NEB: variants seen among roughly 807,000 people sequenced by gnomAD.
NEB encodes the protein nebulin.
In NEB, 512 loss-of-function variants were observed where a neutral mutation model predicts 952.2. The ratio of observed to expected loss-of-function variants is 0.54; its 90% CI spans 0.50 to 0.58. The LOEUF (loss-of-function observed/expected upper bound fraction) is 0.58, where lower values mean the gene tolerates loss of function less well. NEB is among the 20% of genes least tolerant of loss of function. The probability of loss-of-function intolerance (pLI) is 0.00; values close to 1 mark genes in which losing one functional copy is unlikely to be tolerated. For synonymous variants in NEB, 2,900 were observed against 3,149.8 expected, an observed-to-expected ratio of 0.92 and a Z score of 2.66; for missense variants, 8,428 against 9,231.1, an observed-to-expected ratio of 0.91 and a Z score of 3.56.
chr2:151,518,245 C>CT, intron 156 of NEB, 73 bp downstream of exon 156: 1 of 1,065,176 alleles, frequency 9.4e-7, no homozygotes, highest in South Asian at 1.3e-5. Flanking sequence ...TGGAGGGAAT[C>CT]TATGAAATTT....
At chr2:151,497,096 T>A (rs2060739239) in intron 171 of NEB, 63 bp from the exon 172 acceptor site, 1 of 1,521,062 alleles carries the variant, frequency 6.6e-7, no homozygotes, top group Admixed American at 2.0e-5. Flanking sequence ...TTGAAAGGTT[T>A]TAAGGGTAAG....
chr2:151,610,716 A>G (rs757230269), intron 79 of NEB, 46 bp downstream of exon 79: 2 of 1,585,916 alleles, frequency 1.3e-6, no homozygotes, highest in East Asian at 4.5e-5. Flanking sequence ...TGGAAAAAGC[A>G]TTTTAATTAA....
rs1026815436 is a variant in NEB at position 151,718,505 on chromosome 2, C to G, written c.718-985G>C. ...CCAACACTGTCCTTAAGCCCACAAT[C>G]AACCCCACCTTACTCTCAGCTTCCT... On this transcript the variant is annotated intron_variant, in intron 9 of 181. Coordinates refer to ENST00000397345, the MANE Select transcript of NEB (RefSeq NM_001164508.2). 2.1e-4 allele frequency among the ~76,000 whole-genome samples: 32 copies of G among 152,180 alleles called. 1 individual carries two copies. Among genetic ancestry groups the G allele is most frequent in the Non-Finnish European group, 4.3e-4 (29 of 68,022 alleles).
At chr2:151,645,137 G>A (rs2098938673) in intron 55 of NEB, among the ~76,000 whole-genome samples, 1 of 152,212 alleles carries the variant, frequency 6.6e-6, no homozygotes, top group Admixed American at 6.5e-5. Context: ...TACAGTGCAT[G>A]TCTATACTTG....
chr2:151,593,773 AC>A (rs2097337833), intron 93 of NEB, among the ~76,000 whole-genome samples: 1 of 67,138 alleles, frequency 1.5e-5, no homozygotes, highest in African/African-American at 5.3e-5. Flanking sequence ...GAAATTTTCT[AC>A]CTAATTACAT....
chr2:151,514,818 C>T lies in NEB; in HGVS notation c.23016G>A (p.Glu7672=). The T allele has an allele frequency of 1.3e-6, 2 of 1,561,500 alleles. No individual in the cohort carries two copies. The highest frequency in any genetic ancestry group is 1.7e-6 in the Non-Finnish European group (2 of 1,150,968). ...HVKYATKIAS[E]KEYRKDLEES... ...AAAGAAAAGACCAAGTGGGCACTAC[C>T]TCGCTTGCTATTTTAGTTGCATATT... Residue 7672 remains glutamate (E), a splice_region_variant and synonymous_variant, in exon 158 of 182, where the codon GAG becomes GAA. Coordinates refer to ENST00000397345, the MANE Select transcript of NEB (RefSeq NM_001164508.2).
chr2:151,650,923 A>T, intron 52 of NEB, 38 bp from the exon 53 acceptor site: 1 of 1,522,320 alleles, frequency 6.6e-7, no homozygotes, highest in Non-Finnish European at 8.9e-7. Flanking sequence ...TAGTACACAA[A>T]GGCCAAGTTA....
chr2:151,672,246 A>G, intron 37 of NEB, 123 bp downstream of exon 37: 1 of 951,186 alleles, frequency 1.1e-6, no homozygotes, highest in Non-Finnish European at 1.5e-6. Flanking sequence ...GTCTTTCAGT[A>G]ATGGTTGTTT....
chr2:151,485,993 C>T (rs2049992785), intron 181 of NEB, 60 bp from the exon 182 acceptor site: 3 of 1,521,862 alleles, frequency 2.0e-6, no homozygotes, highest in South Asian at 1.1e-5. Context: ...AGTTAACACA[C>T]ATCTATTTGT....
At position 151,485,716 on chromosome 2, in the gene NEB, C is replaced by A; in HGVS notation, c.*44G>T. ...AGAGTCTAAACCGAAACATTGACTG[C>A]AGGATCTGTAAGTCCTGCAGACAAG... is the stretch of plus-strand genomic sequence containing the variant. On this transcript the variant is annotated 3_prime_UTR_variant, in exon 182 of 182. Coordinates refer to ENST00000397345, the MANE Select transcript of NEB (RefSeq NM_001164508.2). 6.4e-7 allele frequency: 1 copy of A among 1,553,746 alleles called. No homozygotes were observed. Among genetic ancestry groups the A allele is most frequent in the South Asian group, 1.2e-5 (1 of 81,318 alleles).
chr2:151,651,018 G>T, intron 52 of NEB, 133 bp from the exon 53 acceptor site: 1 of 839,534 alleles, frequency 1.2e-6, no homozygotes, highest in Non-Finnish European at 1.8e-6. Context: ...TGAACTCCCA[G>T]GCCTACTTTT....
chr2:151,633,388 T>C (rs962049427), intron 65 of NEB, among the ~76,000 whole-genome samples: 9 of 152,148 alleles, frequency 5.9e-5, no homozygotes, highest in Admixed American at 2.0e-4. Context: ...AAAAAAAGAA[T>C]AAATGTCTCC....
chr2:151,570,659 G>A (rs1052355550), intron 107 of NEB, 58 bp from the exon 108 acceptor site: 15 of 1,469,796 alleles, frequency 1.0e-5, no homozygotes, highest in Non-Finnish European at 1.4e-5. Context: ...TACCTTCAAT[G>A]GCTCAGGTGG....
chr2:151,537,311 G>A, intron 140 of NEB, 75 bp from the exon 141 acceptor site: 2 of 800,842 alleles, frequency 2.5e-6, no homozygotes, highest in African/African-American at 3.4e-5. Flanking sequence ...TATACAAGTG[G>A]AACAAACAGA....
rs1553561697 is a variant in NEB at position 151,499,391 on chromosome 2, C to T, written c.24022-1G>A. The T allele has an allele frequency of 2.0e-6, 3 of 1,507,682 alleles. No individual in the cohort carries two copies. The highest frequency in any genetic ancestry group is 2.7e-6 in the Non-Finnish European group (3 of 1,109,092). The allele number at this position is 1,507,682 out of a possible 1,614,324, so 93.4% of individuals were successfully genotyped here. A position where few individuals can be genotyped will look rare whatever the true frequency, so the allele number is the denominator to read the frequency against. ...TTCCAACGTTTTCTTTATACAACAC[C>T]TGTATGACACAAGAAAGCATCCAGA... On this transcript the variant is annotated splice_acceptor_variant, in intron 168 of 181. Coordinates refer to ENST00000397345, the MANE Select transcript of NEB (RefSeq NM_001164508.2). LOFTEE classifies it high-confidence loss of function.
chr2:151,578,538 G>C (rs2096965315), intron 105 of NEB, among the ~76,000 whole-genome samples: 1 of 151,722 alleles, frequency 6.6e-6, no homozygotes, highest in Admixed American at 6.6e-5. Flanking sequence ...GCATGTGCTT[G>C]TAATCCCAGC....
At chr2:151,559,250 C>T (rs2095863500) in intron 124 of NEB, among the ~76,000 whole-genome samples, 3 of 152,218 alleles carry the variant, frequency 2.0e-5, no homozygotes, top group Admixed American at 1.3e-4. Flanking sequence ...GATACCATCT[C>T]ACGCCAGTTA....
intron 157 of NEB, 22 bp from the exon 158 acceptor site, chr2:151,514,950 G>T: frequency 6.9e-7 from 1 of 1,447,154 alleles, no homozygotes; most frequent in Non-Finnish European, 9.4e-7. Context: ...AGGAAGGAAA[G>T]ACAAGTTAAA....
intron 61 of NEB, 75 bp from the exon 62 acceptor site, chr2:151,640,135 A>G: frequency 6.5e-7 from 1 of 1,533,906 alleles, no homozygotes; most frequent in Non-Finnish European, 9.0e-7. Flanking sequence ...TAAGAGATCA[A>G]GTAAAAGCAC....
Sources: allele counts gnomAD v4.1 joint callset (sites outside exome capture counted in the v4.1 genomes callset), GRCh38; gene constraint gnomAD v4.1.1; transcripts MANE v1.5; gene names NCBI Gene and HGNC (gene_info 2026-07-23, HGNC 2026-07-21).